Variants in ASXL3 observed in about 807,000 individuals in gnomAD.
The protein encoded by ASXL3 is putative Polycomb group protein ASXL3.
Under a neutral mutation model 170.6 loss-of-function variants are expected in ASXL3, and 34 were observed. That is an observed-to-expected ratio of 0.20 (90% CI 0.15 to 0.27). The LOEUF (loss-of-function observed/expected upper bound fraction) is 0.27, where lower values mean the gene tolerates loss of function less well. ASXL3 is among the 10% of genes least tolerant of loss of function. The pLI is 1.00. For missense variants in ASXL3, 2,592 were observed against 2,695.3 expected, an observed-to-expected ratio of 0.96 and a Z score of 0.85; for synonymous variants, 1,002 against 989.1, an observed-to-expected ratio of 1.01 and a Z score of -0.24.
At chr18:33,691,437 T>C (rs1214907419) in intron 8 of ASXL3, among the ~76,000 whole-genome samples, 2 of 152,220 alleles carry the variant, frequency 1.3e-5, no homozygotes, top group African/African-American at 4.8e-5. Flanking sequence ...CTGCTAAGAC[T>C]CTTGACTGGC....
intron 1 of ASXL3, among the ~76,000 whole-genome samples, chr18:33,589,328 C>T (rs1454866829): frequency 6.6e-6 from 1 of 152,134 alleles, no homozygotes; most frequent in Admixed American, 6.6e-5. Context: ...TTGGTAGCTT[C>T]CATCTTATGA....
chr18:33,686,517 A>T (rs1343074918), intron 8 of ASXL3, among the ~76,000 whole-genome samples: 1 of 152,200 alleles, frequency 6.6e-6, no homozygotes, highest in East Asian at 1.9e-4. Context: ...CTTAAGTTGA[A>T]CCTTAAAGGA....
At chr18:33,738,398 T>A (rs2067584738) in intron 10 of ASXL3, 89 bp from the exon 11 acceptor site, 1 of 1,286,430 alleles carries the variant, frequency 7.8e-7, no homozygotes, top group Non-Finnish European at 1.1e-6. Context: ...ATGCATTTAC[T>A]TCTATTGAAT....
At chr18:33,727,291 G>A (rs930642348) in intron 8 of ASXL3, among the ~76,000 whole-genome samples, 1 of 151,642 alleles carries the variant, frequency 6.6e-6, no homozygotes, top group Non-Finnish European at 1.5e-5. Flanking sequence ...AGAAAAAAGT[G>A]GTTTAGAAAA....
chr18:33,689,647 GTTC>G (rs2066656478), intron 8 of ASXL3, among the ~76,000 whole-genome samples: 1 of 152,182 alleles, frequency 6.6e-6, no homozygotes, highest in Non-Finnish European at 1.5e-5. Context: ...ATGATGTTGC[GTTC>G]TTCTTGCATC....
At chr18:33,662,781 C>T (rs1049819507) in intron 5 of ASXL3, among the ~76,000 whole-genome samples, 3 of 152,134 alleles carry the variant, frequency 2.0e-5, no homozygotes, top group Non-Finnish European at 4.4e-5. Flanking sequence ...ATCATTCTAG[C>T]GATATATTTA....
At chr18:33,742,600 G>C (rs1416368092) in intron 11 of ASXL3, among the ~76,000 whole-genome samples, 2 of 152,082 alleles carry the variant, frequency 1.3e-5, no homozygotes, top group African/African-American at 2.4e-5. Flanking sequence ...CATGAATTTT[G>C]TATCCATTTG....
chr18:33,646,530 A>C (rs1484756410), intron 4 of ASXL3, among the ~76,000 whole-genome samples, 177 bp downstream of exon 4: 6 of 152,078 alleles, frequency 3.9e-5, no homozygotes, highest in African/African-American at 1.2e-4. Context: ...TAAAAGAAGT[A>C]TATAGTTCTT....
chr18:33,673,012 T>G (rs1409604188), intron 7 of ASXL3, among the ~76,000 whole-genome samples: 2 of 152,224 alleles, frequency 1.3e-5, no homozygotes, highest in Non-Finnish European at 2.9e-5. Flanking sequence ...TATCCCAAAA[T>G]GTATGTTTGT....
chr18:33,700,001 T>C (rs922001814), intron 8 of ASXL3, among the ~76,000 whole-genome samples: 5 of 152,076 alleles, frequency 3.3e-5, no homozygotes, highest in Non-Finnish European at 5.9e-5. Context: ...TCAGGAGAAA[T>C]CCAGATTGGA....
In ASXL3 at chr18:33,744,943, G is replaced by A. The variant is rs376961486; in HGVS notation, c.5095G>A (p.Ala1699Thr). 9.3e-6 allele frequency: 15 copies of A among 1,614,004 alleles called. No individual in the cohort carries two copies. Among genetic ancestry groups the A allele is most frequent in the African/African-American group, 8.0e-5 (6 of 75,064 alleles). The change falls in exon 12 of 12, where the codon GCC (alanine) becomes ACC (threonine). Residue 1699 changes from alanine to threonine, a missense_variant. Around this residue, in one of 4 missense-constraint regions of ASXL3, gnomAD observed 2,246 missense variants for 2,219.6 expected, o/e 1.01. Coordinates refer to ENST00000269197, the MANE Select transcript of ASXL3 (RefSeq NM_030632.3). ...GCTGCCTCCTCCGGCTGCAGAGGGA[G>A]CCTCTAGTGTACAACAAACACAGAA... ...PELPPPAAEG[A>T]SSVQQTQNMK... is the part of the protein sequence containing the mutation.
intron 8 of ASXL3, among the ~76,000 whole-genome samples, chr18:33,728,574 C>A (rs1272369563): frequency 6.6e-6 from 1 of 152,130 alleles, no homozygotes; most frequent in East Asian, 1.9e-4. Context: ...TCCTTAATAA[C>A]ATTTCTTAAA....
intron 1 of ASXL3, among the ~76,000 whole-genome samples, chr18:33,597,291 A>G (rs2065136717): frequency 6.6e-6 from 1 of 152,054 alleles, no homozygotes; most frequent in Admixed American, 6.5e-5. Context: ...TACACCACAG[A>G]CACTGGAATA....
intron 5 of ASXL3, among the ~76,000 whole-genome samples, 182 bp from the exon 6 acceptor site, chr18:33,670,491 A>G (rs958542789): frequency 2.0e-5 from 3 of 152,212 alleles, no homozygotes; most frequent in Admixed American, 6.5e-5. Flanking sequence ...GCCTGATTTT[A>G]TGCTTTTGAG....
At chr18:33,625,393 C>T (rs116978506) in intron 2 of ASXL3, among the ~76,000 whole-genome samples, 7 of 152,270 alleles carry the variant, frequency 4.6e-5, no homozygotes, top group Non-Finnish European at 7.4e-5. Context: ...GGTTATGCAA[C>T]AGGAAGTCAG....
At chr18:33,591,642 T>C (rs1206950632) in intron 1 of ASXL3, among the ~76,000 whole-genome samples, 1 of 151,964 alleles carries the variant, frequency 6.6e-6, no homozygotes, top group African/African-American at 2.4e-5. Context: ...ACACTACTTT[T>C]TTTTTTTTTT....
chr18:33,602,653 T>A (rs2065196425), intron 1 of ASXL3, among the ~76,000 whole-genome samples: 1 of 152,140 alleles, frequency 6.6e-6, no homozygotes, highest in South Asian at 2.1e-4. Flanking sequence ...TAGCTGCTCT[T>A]ATTATACTTA....
chr18:33,671,612 A>G lies in ASXL3; in HGVS notation c.596-135A>G, dbSNP rs536479565. 1.8e-5 allele frequency: 12 copies of G among 676,978 alleles called. No individual in the cohort carries two copies. In the Admixed American group the frequency reaches 3.3e-4, roughly 18 times the overall value. The allele number at this position is 676,978 out of a possible 1,614,324, so 41.9% of individuals were successfully genotyped here. On this transcript the variant is annotated intron_variant, in intron 6 of 11. Transcript: ENST00000269197. ...TTCTCTTTTTATATCCAGTAGGGGA[A>G]TCAGATTGTGGCCAAAGGTAGTGTA... is the stretch of plus-strand genomic sequence containing the variant.
chr18:33,677,842 A>G (rs966274590), intron 7 of ASXL3, among the ~76,000 whole-genome samples: 1 of 152,068 alleles, frequency 6.6e-6, no homozygotes, highest in African/African-American at 2.4e-5. Context: ...TATTTTTCCC[A>G]TTAGACTTTA....
Sources: allele counts gnomAD v4.1 joint callset (sites outside exome capture counted in the v4.1 genomes callset), GRCh38; gene constraint gnomAD v4.1.1; regional missense constraint gnomAD v4.1.1; transcripts MANE v1.5; gene names NCBI Gene and HGNC (gene_info 2026-07-23, HGNC 2026-07-21).